The following PLXDC2 variants were observed in gnomAD, a reference collection of about 807,000 sequenced individuals.
PLXDC2 encodes plexin domain containing 2.
PLXDC2 carries 40 observed loss-of-function variants against 68.9 expected under a neutral mutation model. The observed-to-expected ratio is 0.58, with a 90% CI of 0.45 to 0.76. The LOEUF is 0.76. Among genes scored for constraint, PLXDC2 ranks in the 30% least tolerant of loss-of-function variants. The pLI, the probability that PLXDC2 is intolerant of heterozygous loss-of-function variation, is 0.00. For missense variants in PLXDC2, 644 were observed against 661.9 expected (o/e 0.97, Z 0.30); for synonymous variants, 243 against 234.2 (o/e 1.04, Z -0.34).
chr10:20,127,158 A>C (rs1833804022), intron 4 of PLXDC2, among the ~76,000 whole-genome samples: 1 of 152,142 alleles, frequency 6.6e-6, no homozygotes, highest in Non-Finnish European at 1.5e-5. Flanking sequence ...GCTGTCTTTG[A>C]GAAAGCAAAG....
At chr10:19,900,596 C>CT (rs1302857966) in intron 1 of PLXDC2, among the ~76,000 whole-genome samples, 5 of 151,922 alleles carry the variant, frequency 3.3e-5, no homozygotes, top group Non-Finnish European at 5.9e-5. Flanking sequence ...GTTCAGGTTT[C>CT]TTTTTTATTT....
intron 3 of PLXDC2, among the ~76,000 whole-genome samples, chr10:20,064,801 C>G (rs996154313): frequency 6.6e-6 from 1 of 152,136 alleles, no homozygotes; most frequent in African/African-American, 2.4e-5. Flanking sequence ...TCACAAAGTC[C>G]TTCCTGTAGG....
chr10:20,228,539 G>A (rs1312457179), intron 12 of PLXDC2, among the ~76,000 whole-genome samples: 1 of 151,752 alleles, frequency 6.6e-6, no homozygotes, highest in African/African-American at 2.4e-5. Flanking sequence ...TCCAGCCTAG[G>A]TGACAGTGAG....
chr10:19,882,593 G>A (rs904358481), intron 1 of PLXDC2, among the ~76,000 whole-genome samples: 24 of 152,216 alleles, frequency 1.6e-4, no homozygotes, highest in African/African-American at 5.5e-4. Context: ...ACGAAGCTAT[G>A]TGGTAGAGCT....
intron 4 of PLXDC2, among the ~76,000 whole-genome samples, chr10:20,097,489 A>G (rs1174682606): frequency 6.6e-6 from 1 of 152,110 alleles, no homozygotes; most frequent in Non-Finnish European, 1.5e-5. Flanking sequence ...TCTTTTTCCC[A>G]TTTCCTGAAT....
chr10:20,247,634 A>G (rs892347894), intron 13 of PLXDC2, among the ~76,000 whole-genome samples: 3 of 152,184 alleles, frequency 2.0e-5, no homozygotes, highest in East Asian at 3.9e-4. Context: ...CTGCAGGGAT[A>G]CACCCCTACC....
chr10:19,878,236 C>T (rs1032756875), intron 1 of PLXDC2, among the ~76,000 whole-genome samples: 2 of 150,928 alleles, frequency 1.3e-5, no homozygotes, highest in African/African-American at 4.9e-5. Flanking sequence ...GAGTCTCACT[C>T]TGTCACCCAG....
intron 1 of PLXDC2, among the ~76,000 whole-genome samples, chr10:19,943,933 G>C (rs1169524666): frequency 1.3e-5 from 2 of 152,166 alleles, no homozygotes; most frequent in South Asian, 4.1e-4. Flanking sequence ...TGCCATATTT[G>C]ATAGAATGTC....
At chr10:20,198,268 A>T (rs981127347) in intron 9 of PLXDC2, among the ~76,000 whole-genome samples, 4 of 152,134 alleles carry the variant, frequency 2.6e-5, no homozygotes, top group African/African-American at 9.7e-5. Flanking sequence ...GCAATGCAAA[A>T]TGTCAGTGAA....
intron 4 of PLXDC2, among the ~76,000 whole-genome samples, chr10:20,105,080 A>G: frequency 6.8e-6 from 1 of 147,578 alleles, no homozygotes; most frequent in South Asian, 2.1e-4. Flanking sequence ...AAGAGCTTCC[A>G]GATCTTCTTG....
Position 19,853,098 on chromosome 10 carries a change from A to G in PLXDC2, c.112+35907A>G, listed in dbSNP as rs574166445. Among the ~76,000 whole-genome samples, 22 of 152,340 alleles carry G rather than the reference A, an allele frequency of 1.4e-4. No individual in the cohort carries two copies. The East Asian group carries it at 2.1e-3, about 15-fold the overall frequency. On this transcript the variant is annotated intron_variant, in intron 1 of 13. Transcript: ENST00000377252. ...TGCTCAATAAAGGTTACAGATAAAG[A>G]TAATACAGAAAATAGAGTACAGTTT...
At chr10:20,146,785 A>C (rs956456736) in intron 5 of PLXDC2, among the ~76,000 whole-genome samples, 5 of 152,170 alleles carry the variant, frequency 3.3e-5, no homozygotes, top group Admixed American at 6.6e-5. Context: ...CAACCAGCTC[A>C]AGAGATATTA....
intron 3 of PLXDC2, among the ~76,000 whole-genome samples, chr10:20,050,774 A>G (rs1835884881): frequency 6.6e-6 from 1 of 152,170 alleles, no homozygotes; most frequent in South Asian, 2.1e-4. Flanking sequence ...GAACACTTAT[A>G]CACTGTTGGT....
intron 2 of PLXDC2, among the ~76,000 whole-genome samples, chr10:20,032,648 G>C (rs1835518353): frequency 6.6e-6 from 1 of 151,984 alleles, no homozygotes; most frequent in Admixed American, 6.6e-5. Context: ...ACAAGGTACT[G>C]TGGAAGCGGA....
intron 12 of PLXDC2, among the ~76,000 whole-genome samples, chr10:20,232,397 C>G (rs548334656): frequency 1.4e-4 from 22 of 152,194 alleles, no homozygotes; most frequent in African/African-American, 3.6e-4. Flanking sequence ...CACACACACA[C>G]ACGCACACAC....
chr10:20,175,877 G>A (rs760171724), intron 7 of PLXDC2, among the ~76,000 whole-genome samples: 1 of 152,090 alleles, frequency 6.6e-6, no homozygotes, highest in African/African-American at 2.4e-5. Flanking sequence ...TAGATGTGGT[G>A]TTATTCCGGA....
At chr10:19,895,484 A>G (rs897842279) in intron 1 of PLXDC2, among the ~76,000 whole-genome samples, 1 of 152,302 alleles carries the variant, frequency 6.6e-6, no homozygotes, top group East Asian at 1.9e-4. Context: ...ATGGCATTAT[A>G]CCTATCAAAA....
intron 1 of PLXDC2, among the ~76,000 whole-genome samples, chr10:19,900,493 G>C (rs776184896): frequency 2.6e-5 from 4 of 152,070 alleles, no homozygotes; most frequent in Admixed American, 2.0e-4. Context: ...AGCAAACACT[G>C]TGCAGTATTT....
At chr10:19,950,192 A>G (rs1833968856) in intron 1 of PLXDC2, among the ~76,000 whole-genome samples, 1 of 152,184 alleles carries the variant, frequency 6.6e-6, no homozygotes, top group Non-Finnish European at 1.5e-5. Flanking sequence ...AAAGAAATAA[A>G]AGGCATCCAA....
Sources: allele counts gnomAD v4.1 joint callset (sites outside exome capture counted in the v4.1 genomes callset), GRCh38; gene constraint gnomAD v4.1.1; transcripts MANE v1.5; gene names NCBI Gene and HGNC (gene_info 2026-07-23, HGNC 2026-07-21).